Variants in MYCBP2 observed in about 807,000 individuals in gnomAD.
MYCBP2 encodes the protein MYC binding protein 2.
MYCBP2 carries 120 observed loss-of-function variants against 525.3 expected under a neutral mutation model. The ratio of observed to expected loss-of-function variants is 0.23; its 90% CI spans 0.20 to 0.27. MYCBP2 has a LOEUF of 0.27. MYCBP2 is among the 10% of genes least tolerant of loss of function. The pLI is 1.00. For synonymous variants in MYCBP2, 1,894 were observed against 1,955.8 expected (o/e 0.97, Z 0.83); for missense variants, 4,149 against 5,657.1 (o/e 0.73, Z 8.55).
intron 13 of MYCBP2, among the ~76,000 whole-genome samples, chr13:77,258,433 A>G (rs2072629067): frequency 6.6e-6 from 1 of 152,146 alleles, no homozygotes; most frequent in Non-Finnish European, 1.5e-5. Context: ...TCAACTCTAA[A>G]TTGATTGAAG....
chr13:77,096,286 G>T lies in MYCBP2; in HGVS notation c.9954+26C>A, dbSNP rs766532275. The T allele has an allele frequency of 2.5e-5, 40 of 1,609,276 alleles. No homozygotes were observed. In the Admixed American group the frequency reaches 6.5e-4, roughly 26 times the overall value. ...ATACAGTGTATCCATATCATTAAAA[G>T]TATAGCTCCAAATGGAATAAAATAC... On this transcript the variant is annotated intron_variant, in intron 57 of 82. Transcript: ENST00000544440.
chr13:77,278,781 T>G lies in MYCBP2; in HGVS notation c.725A>C (p.Gln242Pro). ...VLQGQQPEGL[Q>P]SEPPEVLESL... is the part of the protein sequence containing the mutation. ...ACCTAGGACCTCAGGTGGCTCAGAC[T>G]GGAGGCCTTCTGGCTGCTGGCCCTG... Residue 242 changes from glutamine to proline, a missense_variant, in exon 4 of 83, where the codon CAG (glutamine) becomes CCG (proline). Transcript: ENST00000544440. 6.4e-7 allele frequency: 1 copy of G among 1,572,336 alleles called. No individual in the cohort carries two copies. Among genetic ancestry groups the G allele is most frequent in the Non-Finnish European group, 8.6e-7 (1 of 1,162,012 alleles).
At chr13:77,190,829 A>G (rs1298810156) in intron 28 of MYCBP2, among the ~76,000 whole-genome samples, 2 of 152,202 alleles carry the variant, frequency 1.3e-5, no homozygotes, top group Non-Finnish European at 2.9e-5. Context: ...ATTCAGCAAC[A>G]GGAAATTCAC....
At chr13:77,101,960 T>C (rs968175994) in intron 55 of MYCBP2, among the ~76,000 whole-genome samples, 2 of 152,024 alleles carry the variant, frequency 1.3e-5, no homozygotes, top group African/African-American at 4.8e-5. Context: ...ATTCATCTCC[T>C]AATTTATTTA....
intron 55 of MYCBP2, among the ~76,000 whole-genome samples, chr13:77,118,786 G>A (rs939151946): frequency 3.9e-5 from 6 of 151,918 alleles, no homozygotes; most frequent in South Asian, 2.1e-4. Context: ...ATGGGAGAAC[G>A]AAGACTCTAT....
At chr13:77,257,923 G>A in intron 13 of MYCBP2, 94 bp from the exon 14 acceptor site, 2 of 990,062 alleles carry the variant, frequency 2.0e-6, no homozygotes, top group Non-Finnish European at 1.4e-6. Context: ...TTATTTCTGG[G>A]GCAAAATAAC....
chr13:77,169,155 T>C (rs2058851834), intron 39 of MYCBP2, among the ~76,000 whole-genome samples: 1 of 152,160 alleles, frequency 6.6e-6, no homozygotes. Flanking sequence ...ACGCCTGTAA[T>C]CCCAGCACTT....
chr13:77,173,370 A>G (rs886894103), intron 37 of MYCBP2, among the ~76,000 whole-genome samples: 2 of 152,242 alleles, frequency 1.3e-5, no homozygotes, highest in African/African-American at 4.8e-5. Flanking sequence ...AAGAAAGAGA[A>G]TAATGTACTA....
intron 74 of MYCBP2, 152 bp downstream of exon 74, chr13:77,062,444 T>A: frequency 1.5e-6 from 1 of 652,970 alleles, no homozygotes. Context: ...AATAGACTTG[T>A]GAGATGAACT....
intron 27 of MYCBP2, among the ~76,000 whole-genome samples, 197 bp from the exon 28 acceptor site, chr13:77,192,010 AT>A (rs1312958983): frequency 6.6e-6 from 1 of 152,264 alleles, no homozygotes. Flanking sequence ...TGGTGATAGA[AT>A]TACATTTCTT....
At chr13:77,254,299 G>A (rs919706143) in intron 14 of MYCBP2, among the ~76,000 whole-genome samples, 4 of 151,748 alleles carry the variant, frequency 2.6e-5, no homozygotes, top group South Asian at 4.2e-4. Flanking sequence ...TCATGATCGC[G>A]GTTAGCTCTG....
In MYCBP2 at chr13:77,201,890, A is replaced by C. The variant is rs1000004973; in HGVS notation, c.3843+3366T>G. 4.6e-5 allele frequency among the ~76,000 whole-genome samples: 7 copies of C among 152,228 alleles called. 1 individual carries two copies. Among genetic ancestry groups the C allele is most frequent in the African/African-American group, 1.7e-4 (7 of 41,456 alleles). On this transcript the variant is annotated intron_variant, in intron 26 of 82. Transcript: ENST00000544440. ...ACCAGAATCTCTGGGACACATTCAA[A>C]GCAGTGTGTAGAGGGAAATTTATAG...
chr13:77,315,620 T>C (rs568657231), intron 1 of MYCBP2, among the ~76,000 whole-genome samples: 1 of 152,010 alleles, frequency 6.6e-6, no homozygotes, highest in Non-Finnish European at 1.5e-5. Context: ...GCAAGCCGGG[T>C]GCGATGGCTC....
chr13:77,121,297 T>TA (rs1369837325), intron 55 of MYCBP2, 76 bp downstream of exon 55: 2 of 1,275,670 alleles, frequency 1.6e-6, no homozygotes, highest in African/African-American at 3.0e-5. Flanking sequence ...TGAACACAAA[T>TA]AAAAAGTGTA....
rs147492112 is a variant in MYCBP2, at chr13:77,320,966, G to A, written c.302+5508C>T. 3.3e-5 allele frequency among the ~76,000 whole-genome samples: 5 copies of A among 152,266 alleles called. No homozygotes were observed. In the East Asian group the frequency reaches 9.6e-4, roughly 29 times the overall value. ...CTGATTTGCAGCGGTCAGTAACCAG[G>A]GGTAGGAGGGCCTGACAGAACTTTT... On this transcript the variant is annotated intron_variant, in intron 1 of 82. Coordinates refer to ENST00000544440, the MANE Select transcript of MYCBP2 (RefSeq NM_015057.5).
At chr13:77,056,846 G>T in intron 79 of MYCBP2, 140 bp downstream of exon 79, 1 of 629,382 alleles carries the variant, frequency 1.6e-6, no homozygotes, top group South Asian at 2.0e-5. Context: ...TATATTCTCA[G>T]GTTCCACATG....
intron 68 of MYCBP2, among the ~76,000 whole-genome samples, chr13:77,075,299 G>C (rs546332234): frequency 6.6e-6 from 1 of 152,156 alleles, no homozygotes; most frequent in East Asian, 1.9e-4. Flanking sequence ...TTTAAAATGA[G>C]GAATTTCTGT....
At chr13:77,211,848 AG>A in intron 22 of MYCBP2, 107 bp downstream of exon 22, 3 of 885,602 alleles carry the variant, frequency 3.4e-6, no homozygotes, top group Non-Finnish European at 5.1e-6. Flanking sequence ...TTGAGCAGAA[AG>A]AAAACAAAAA....
intron 68 of MYCBP2, among the ~76,000 whole-genome samples, chr13:77,071,309 A>ACAC (rs755286964): frequency 5.4e-5 from 8 of 149,140 alleles, no homozygotes; most frequent in South Asian, 2.1e-4. Flanking sequence ...ACACACACAC[A>ACAC]AATCTTATCT....
Sources: gnomAD v4.1 joint callset for allele counts (sites outside exome capture counted in the v4.1 genomes callset) on GRCh38, gnomAD v4.1.1 for gene constraint, MANE v1.5 for transcripts, NCBI Gene and HGNC (gene_info 2026-07-23, HGNC 2026-07-21) for gene names.